The following XPOT variants were observed in gnomAD, a reference collection of about 807,000 sequenced individuals.
XPOT encodes the protein exportin-T.
In XPOT, 34 loss-of-function variants were observed where a neutral mutation model predicts 128.2. The ratio of observed to expected loss-of-function variants is 0.27; its 90% CI spans 0.20 to 0.35. The LOEUF is 0.35. Among genes scored for constraint, XPOT ranks in the 10% least tolerant of loss-of-function variants. The pLI is 1.00. For missense variants in XPOT, 838 were observed against 1,125.3 expected, an observed-to-expected ratio of 0.74 and a Z score of 3.65; for synonymous variants, 348 against 394.3, an observed-to-expected ratio of 0.88 and a Z score of 1.39.
chr12:64,433,292 C>A, intron 18 of XPOT, 122 bp from the exon 19 acceptor site: 1 of 906,130 alleles, frequency 1.1e-6, no homozygotes. Context: ...TTGATATTTG[C>A]TAACTGAATT....
intron 4 of XPOT, among the ~76,000 whole-genome samples, chr12:64,417,269 C>T (rs533465239): frequency 3.3e-5 from 5 of 152,086 alleles, no homozygotes; most frequent in East Asian, 3.9e-4. Flanking sequence ...CAAGGCTGGG[C>T]GCAGTGGCTC....
intron 15 of XPOT, among the ~76,000 whole-genome samples, chr12:64,426,884 G>A (rs2040197180): frequency 6.6e-6 from 1 of 152,028 alleles, no homozygotes; most frequent in African/African-American, 2.4e-5. Flanking sequence ...ACAGAAGGCT[G>A]AGGCAGGAGA....
chr12:64,440,674 T>G (rs772535297), intron 23 of XPOT, among the ~76,000 whole-genome samples: 3 of 152,214 alleles, frequency 2.0e-5, no homozygotes, highest in Non-Finnish European at 4.4e-5. Flanking sequence ...TGAGGTGATA[T>G]CTCATTGTGG....
chr12:64,419,769 C>CT (rs2040121351), intron 6 of XPOT, among the ~76,000 whole-genome samples: 2 of 152,180 alleles, frequency 1.3e-5, no homozygotes, highest in South Asian at 4.1e-4. Flanking sequence ...CTTCTGTATT[C>CT]TTCATCACAT....
At chr12:64,410,290 CAAAA>C (rs902001194) in intron 2 of XPOT, among the ~76,000 whole-genome samples, 195 bp downstream of exon 2, 3 of 152,116 alleles carry the variant, frequency 2.0e-5, no homozygotes, top group Non-Finnish European at 4.4e-5. Flanking sequence ...CTTGGCCAAA[CAAAA>C]GTATTAAAAT....
rs1285547992 is a variant in XPOT at position 64,410,033 on chromosome 12, A to G, written c.-3A>G. 1 of 1,613,730 alleles carries G rather than the reference A, an allele frequency of 6.2e-7. No individual in the cohort carries two copies. The highest frequency in any genetic ancestry group is 8.5e-7 in the Non-Finnish European group (1 of 1,179,858). Reference sequence around the variant, plus strand: ...CCAGAAAACTACAAGTATAACAGCGAGGATGGATGAACAGGCTCTATTAGG... The same window carrying G: ...CCAGAAAACTACAAGTATAACAGCGGGGATGGATGAACAGGCTCTATTAGG... On this transcript the variant is annotated 5_prime_UTR_variant, in exon 2 of 25. Coordinates refer to ENST00000332707, the MANE Select transcript of XPOT (RefSeq NM_007235.6).
chr12:64,436,248 A>G (rs544401587), intron 22 of XPOT, among the ~76,000 whole-genome samples: 2 of 152,162 alleles, frequency 1.3e-5, no homozygotes, highest in South Asian at 4.1e-4. Context: ...GGCGTGAGCC[A>G]CTGCGCCTGG....
intron 23 of XPOT, chr12:64,442,380 G>C (rs1489439205): frequency 6.6e-6 from 1 of 152,198 alleles, no homozygotes; most frequent in Non-Finnish European, 1.5e-5. Context: ...TTATCCACTG[G>C]CCTCGGCCTC....
chr12:64,426,504 T>A (rs1354286958), intron 15 of XPOT, among the ~76,000 whole-genome samples: 1 of 152,030 alleles, frequency 6.6e-6, no homozygotes, highest in Non-Finnish European at 1.5e-5. Context: ...TACACACAGA[T>A]ATGAAGCTGG....
intron 22 of XPOT, among the ~76,000 whole-genome samples, chr12:64,437,430 G>A (rs1592339002): frequency 6.6e-6 from 1 of 152,202 alleles, no homozygotes; most frequent in East Asian, 1.9e-4. Flanking sequence ...GTAGATTGAT[G>A]GGAGTAATAG....
At chr12:64,421,935 C>T (rs944411235) in intron 9 of XPOT, among the ~76,000 whole-genome samples, 1 of 152,142 alleles carries the variant, frequency 6.6e-6, no homozygotes, top group African/African-American at 2.4e-5. Context: ...GCCTCAACCT[C>T]CCAAGTACCT....
intron 23 of XPOT, among the ~76,000 whole-genome samples, chr12:64,442,288 A>G (rs987678726): frequency 1.3e-5 from 2 of 151,968 alleles, no homozygotes; most frequent in Non-Finnish European, 2.9e-5. Flanking sequence ...ACAGGTGCCC[A>G]CCACCATGCC....
intron 16 of XPOT, among the ~76,000 whole-genome samples, chr12:64,428,324 G>A (rs891637038): frequency 1.2e-4 from 18 of 152,218 alleles, no homozygotes; most frequent in African/African-American, 4.3e-4. Context: ...GATCAATTTG[G>A]CAGCATGGGG....
chr12:64,444,896 C>G (rs2040355464), intron 23 of XPOT, among the ~76,000 whole-genome samples, 179 bp from the exon 24 acceptor site: 1 of 150,956 alleles, frequency 6.6e-6, no homozygotes, highest in Admixed American at 6.6e-5. Context: ...TCCCTTGAGC[C>G]TAGGAGTTGG....
chr12:64,420,654 C>T, intron 8 of XPOT, 133 bp downstream of exon 8: 1 of 658,898 alleles, frequency 1.5e-6, no homozygotes, highest in Non-Finnish European at 2.5e-6. Flanking sequence ...ATATAAACCA[C>T]TGCATCTAGC....
In XPOT at chr12:64,423,025, G is replaced by C. The variant is rs762921504; in HGVS notation, c.1101G>C (p.Gln367His). 8 of 1,613,314 alleles carry C rather than the reference G, an allele frequency of 5.0e-6. No individual in the cohort carries two copies. In the African/African-American group the frequency reaches 9.3e-5, roughly 19 times the overall value. The stretch of plus-strand genomic sequence containing the variant: ...AACAGCTTACAGTGCTCTCGGATCA[G>C]CAAAAAGCTAATGTAGAGGTAATTG... ...ILKQLTVLSD[Q>H]QKANVEAIML... Residue 367 changes from glutamine to histidine, a missense_variant, in exon 10 of 25, where the codon CAG becomes CAC. Coordinates refer to ENST00000332707, the MANE Select transcript of XPOT (RefSeq NM_007235.6).
chr12:64,439,134 C>A, intron 22 of XPOT, 110 bp from the exon 23 acceptor site: 1 of 1,040,970 alleles, frequency 9.6e-7, no homozygotes, highest in South Asian at 1.4e-5. Context: ...GGTCTGTGTT[C>A]TTAAGCACAA....
chr12:64,444,802 T>C (rs2040354749), intron 23 of XPOT, among the ~76,000 whole-genome samples: 1 of 152,094 alleles, frequency 6.6e-6, no homozygotes, highest in Non-Finnish European at 1.5e-5. Context: ...TAAGTGTTTT[T>C]AACTACAGCT....
In XPOT at chr12:64,421,482, GTTTTA is replaced by G; in HGVS notation, c.1080+14_1080+18del. ...CATATTTTGAAACAGGTAAGTTTTT[GTTTTA>G]TTCTTTTTGCTCAATACATAATACA... On this transcript the variant is annotated intron_variant, in intron 9 of 24. Transcript: ENST00000332707. 1 of 1,586,304 alleles carries G rather than the reference GTTTTA, an allele frequency of 6.3e-7. No homozygotes were observed. The highest frequency in any genetic ancestry group is 2.2e-5 in the East Asian group (1 of 44,654).
Sources: allele counts gnomAD v4.1 joint callset (sites outside exome capture counted in the v4.1 genomes callset), GRCh38; gene constraint gnomAD v4.1.1; transcripts MANE v1.5; gene names NCBI Gene and HGNC (gene_info 2026-07-23, HGNC 2026-07-21).